The following RTN3 variants were observed in gnomAD, a reference collection of about 807,000 sequenced individuals.
The protein encoded by RTN3 is reticulon-3.
Under a neutral mutation model 77.8 loss-of-function variants are expected in RTN3, and 49 were observed. That is an observed-to-expected ratio of 0.63 (90% CI 0.50 to 0.80). RTN3 has a LOEUF of 0.80. RTN3 is among the 30% of genes least tolerant of loss of function. The pLI, the probability that RTN3 is intolerant of heterozygous loss-of-function variation, is 0.00. For synonymous variants in RTN3, 464 were observed against 446.9 expected, an observed-to-expected ratio of 1.04 and a Z score of -0.48; for missense variants, 1,236 against 1,211.9, an observed-to-expected ratio of 1.02 and a Z score of -0.29.
chr11:63,716,325 T>G (rs2011395675), intron 2 of RTN3, among the ~76,000 whole-genome samples: 1 of 152,206 alleles, frequency 6.6e-6, no homozygotes, highest in Non-Finnish European at 1.5e-5. Context: ...TTTGGATGTT[T>G]ACATGAAAAA....
At position 63,720,000 on chromosome 11, in the gene RTN3, T is replaced by A. The variant is rs1732303380; in HGVS notation, c.1498T>A (p.Ser500Thr). 3 of 1,614,048 alleles carry A rather than the reference T, an allele frequency of 1.9e-6. No homozygotes were observed. Among genetic ancestry groups the A allele is most frequent in the Middle Eastern group, 1.6e-4 (1 of 6,084 alleles). Residue 500 changes from serine (S) to threonine (T), a missense_variant, in exon 3 of 9, where the codon TCT (serine) becomes ACT (threonine). Physicochemically the swap from Ser to Thr is moderately conservative, Grantham distance 58. Transcript: ENST00000377819. ...EITEADSSGESDDTVIEDITA... is the reference protein window; with the variant it reads ...EITEADSSGETDDTVIEDITA... ...CACAGAAGCTGATAGTTCTGGTGAG[T>A]CTGATGACACAGTAATAGAGGACAT...
At chr11:63,686,464 C>G (rs1590770331) in intron 1 of RTN3, among the ~76,000 whole-genome samples, 1 of 97,372 alleles carries the variant, frequency 1.0e-5, no homozygotes, top group South Asian at 4.0e-4. Flanking sequence ...GAGCGAGACT[C>G]CGTCTCAAAA....
chr11:63,711,277 CTG>C (rs2011153671), intron 2 of RTN3, among the ~76,000 whole-genome samples: 1 of 151,528 alleles, frequency 6.6e-6, no homozygotes, highest in South Asian at 2.1e-4. Context: ...GAGACTGAGA[CTG>C]TCTCAAAAAA....
At chr11:63,710,738 G>A (rs552708838) in intron 2 of RTN3, among the ~76,000 whole-genome samples, 282 of 152,126 alleles carry the variant, frequency 1.9e-3, no homozygotes, top group Non-Finnish European at 3.0e-3. Context: ...AACCAGTTTC[G>A]TTGCCTGGGA....
intron 3 of RTN3, among the ~76,000 whole-genome samples, chr11:63,729,066 T>G (rs917058527): frequency 6.6e-6 from 1 of 151,654 alleles, no homozygotes; most frequent in Non-Finnish European, 1.5e-5. Context: ...GGTTTCTGTA[T>G]TCAGGAAAAA....
In RTN3 at chr11:63,720,711, G is replaced by C. The variant is rs747983653; in HGVS notation, c.2209G>C (p.Asp737His). Residue 737 changes from aspartate to histidine, a missense_variant, in exon 3 of 9, where the codon GAC (aspartate) becomes CAC (histidine). By Grantham distance (81) the Asp-to-His change is moderately conservative. Transcript: ENST00000377819. ...PTQGTPVASL[D>H]LEQEQLTIKA... ...CCAAGGTACTCCAGTAGCATCTCTTGACTTAGAACAAGAACAGCTCACAAT... is the reference window on the plus strand; with the variant it reads ...CCAAGGTACTCCAGTAGCATCTCTTCACTTAGAACAAGAACAGCTCACAAT... 6.2e-7 allele frequency: 1 copy of C among 1,614,146 alleles called. No individual in the cohort carries two copies. Among genetic ancestry groups the C allele is most frequent in the Non-Finnish European group, 8.5e-7 (1 of 1,180,020 alleles).
intron 1 of RTN3, among the ~76,000 whole-genome samples, chr11:63,693,761 T>C (rs1941788566): frequency 6.6e-6 from 1 of 152,188 alleles, no homozygotes; most frequent in African/African-American, 2.4e-5. Flanking sequence ...AGGTATTTTC[T>C]ACTAACAACT....
chr11:63,689,524 T>C (rs1941545497), intron 1 of RTN3, among the ~76,000 whole-genome samples: 1 of 152,222 alleles, frequency 6.6e-6, no homozygotes, highest in Non-Finnish European at 1.5e-5. Context: ...GAGAATCTCT[T>C]TAAATACTGT....
At position 63,719,009 on chromosome 11, in the gene RTN3, C is replaced by G; in HGVS notation, c.507C>G (p.Leu169=). Residue 169 remains leucine, a synonymous_variant, in exon 3 of 9, where the codon CTC becomes CTG. Transcript: ENST00000377819. ...PASFPEHPAF[L]SKKIGQVEEQ... ...GTTTCCCAGAGCATCCTGCTTTTCT[C>G]TCAAAGAAAATTGGTCAAGTGGAAG... The G allele has an allele frequency of 6.2e-7, 1 of 1,614,140 alleles. No homozygotes were observed. The highest frequency in any genetic ancestry group is 8.5e-7 in the Non-Finnish European group (1 of 1,180,036).
intron 3 of RTN3, among the ~76,000 whole-genome samples, chr11:63,733,822 TC>T (rs1175195777): frequency 1.3e-5 from 2 of 151,042 alleles, no homozygotes; most frequent in Non-Finnish European, 3.0e-5. Context: ...GCCCAGGAAG[TC>T]GAGGCTGGAG....
At chr11:63,726,715 G>T (rs1301700643) in intron 3 of RTN3, among the ~76,000 whole-genome samples, 1 of 151,702 alleles carries the variant, frequency 6.6e-6, no homozygotes, top group African/African-American at 2.4e-5. Context: ...ACAAAAATTA[G>T]CCGGGCACAT....
At chr11:63,725,414 G>A (rs149810744) in intron 3 of RTN3, among the ~76,000 whole-genome samples, 1 of 151,102 alleles carries the variant, frequency 6.6e-6, no homozygotes, top group East Asian at 1.9e-4. Context: ...TATAGACAGC[G>A]CTGAAGTTAA....
chr11:63,688,246 C>T (rs376543867), intron 1 of RTN3, among the ~76,000 whole-genome samples: 5 of 128,764 alleles, frequency 3.9e-5, no homozygotes, highest in East Asian at 2.2e-4. Context: ...TTTTTTGAGA[C>T]GGAGTCTCGC....
At chr11:63,693,727 C>T (rs1201250855) in intron 1 of RTN3, among the ~76,000 whole-genome samples, 1 of 152,110 alleles carries the variant, frequency 6.6e-6, no homozygotes, top group African/African-American at 2.4e-5. Flanking sequence ...TTAAGGTTAG[C>T]CTCTTTTATT....
intron 3 of RTN3, among the ~76,000 whole-genome samples, chr11:63,742,147 T>C (rs903208068): frequency 6.6e-6 from 1 of 151,056 alleles, no homozygotes; most frequent in African/African-American, 2.4e-5. Context: ...ACCCGGCTAA[T>C]TTTTTGTATT....
chr11:63,733,779 T>C (rs749466267), intron 3 of RTN3, among the ~76,000 whole-genome samples: 3 of 151,344 alleles, frequency 2.0e-5, no homozygotes, highest in Non-Finnish European at 2.9e-5. Context: ...TAGTCCCAGC[T>C]ACTCGGGAGG....
At chr11:63,725,629 T>G (rs990033378) in intron 3 of RTN3, among the ~76,000 whole-genome samples, 5 of 152,102 alleles carry the variant, frequency 3.3e-5, no homozygotes, top group Admixed American at 3.3e-4. Flanking sequence ...TATTTTTGTA[T>G]TTTTAGTAGA....
intron 3 of RTN3, among the ~76,000 whole-genome samples, chr11:63,742,867 A>AT (rs1198508032): frequency 3.3e-5 from 5 of 151,440 alleles, no homozygotes; most frequent in African/African-American, 9.7e-5. Context: ...ATATATATAT[A>AT]TTTTTGTTTG....
At chr11:63,737,615 A>C (rs1263238278) in intron 3 of RTN3, among the ~76,000 whole-genome samples, 4 of 152,320 alleles carry the variant, frequency 2.6e-5, no homozygotes, top group Non-Finnish European at 5.9e-5. Context: ...GTCTCAACAA[A>C]AGAAAAAAAA....
Sources: allele counts gnomAD v4.1 joint callset (sites outside exome capture counted in the v4.1 genomes callset), GRCh38; gene constraint gnomAD v4.1.1; transcripts MANE v1.5; gene names NCBI Gene and HGNC (gene_info 2026-07-23, HGNC 2026-07-21).